Variants in RBFOX1 observed in about 807,000 individuals in gnomAD.
RBFOX1 encodes the protein RNA binding protein fox-1 homolog 1.
In RBFOX1, 8 loss-of-function variants were observed where a neutral mutation model predicts 57.7. The ratio of observed to expected loss-of-function variants is 0.14; its 90% CI spans 0.08 to 0.25. RBFOX1 has a LOEUF of 0.25. RBFOX1 is among the 10% of genes least tolerant of loss of function. RBFOX1 has a pLI of 1.00. For missense variants in RBFOX1, 611 were observed against 548.5 expected (o/e 1.11, Z -1.14); for synonymous variants, 326 against 222.4 (o/e 1.47, Z -4.15).
intron 2 of RBFOX1, among the ~76,000 whole-genome samples, chr16:6,503,311 G>A (rs955207593): frequency 6.6e-6 from 1 of 152,006 alleles, no homozygotes; most frequent in East Asian, 1.9e-4. Flanking sequence ...TTCTCCAGAC[G>A]AGATGGGATA....
chr16:5,466,477 C>T (rs975051858), intron 1 of RBFOX1, among the ~76,000 whole-genome samples: 1 of 152,034 alleles, frequency 6.6e-6, no homozygotes, highest in Admixed American at 6.5e-5. Flanking sequence ...CTCCTGGGGC[C>T]CTGAAATCAG....
chr16:7,293,760 C>A (rs770701666), intron 4 of RBFOX1, among the ~76,000 whole-genome samples: 7 of 152,276 alleles, frequency 4.6e-5, no homozygotes, highest in Non-Finnish European at 1.0e-4. Context: ...GTAAGTTTTG[C>A]AGATAAACCT....
At position 7,464,773 on chromosome 16, in the gene RBFOX1, T is replaced by C. The variant is rs1444377134; in HGVS notation, c.28-53374T>C. On this transcript the variant is annotated intron_variant, in intron 4 of 15. Coordinates refer to ENST00000550418, the MANE Select transcript of RBFOX1 (RefSeq NM_018723.4). The stretch of plus-strand genomic sequence containing the variant: ...GTGCAGTCGCGTGATCTCGGCTCAC[T>C]TCAAGCTCCGCCTCCCAGGTTCACG... Among the ~76,000 whole-genome samples the C allele has an allele frequency of 2.4e-4, 34 of 139,126 alleles. No homozygotes were observed. In the Admixed American group the frequency reaches 2.7e-3, roughly 11 times the overall value. 91.3% of individuals were successfully genotyped at this position (139,126 alleles called of 152,430 possible).
At chr16:7,068,791 G>A (rs2056715204) in intron 4 of RBFOX1, among the ~76,000 whole-genome samples, 1 of 152,138 alleles carries the variant, frequency 6.6e-6, no homozygotes, top group African/African-American at 2.4e-5. Context: ...GTTTCACCAT[G>A]TTGGCCAGGC....
Position 5,247,356 on chromosome 16 carries a change from C to G in RBFOX1, c.219+7251C>G, listed in dbSNP as rs151171092. 9.8e-3 allele frequency among the ~76,000 whole-genome samples: 1,496 copies of G among 152,256 alleles called. 32 individuals are homozygous for G. The highest frequency in any genetic ancestry group is 0.034 in the African/African-American group (1,425 of 41,528). On this transcript the variant is annotated intron_variant, in intron 1 of 2. Transcript: ENST00000585867. ...ACATTTCCTTGGAGGAGAATCCAGC[C>G]TTGGTGGAGAGCCCTGCCCTGGCTT...
intron 2 of RBFOX1, among the ~76,000 whole-genome samples, chr16:6,410,416 A>C (rs1013936548): frequency 6.8e-6 from 1 of 146,132 alleles, no homozygotes; most frequent in Non-Finnish European, 1.5e-5. Flanking sequence ...GGTTCAGGCC[A>C]TTCTCCTGCC....
At chr16:7,228,795 G>A (rs970718657) in intron 4 of RBFOX1, among the ~76,000 whole-genome samples, 3 of 152,180 alleles carry the variant, frequency 2.0e-5, no homozygotes, top group South Asian at 4.1e-4. Flanking sequence ...TATTTTGGGG[G>A]AAAATGGATT....
chr16:5,467,174 T>TTCTCTG, intron 1 of RBFOX1: 15 of 1,264,274 alleles, frequency 1.2e-5, no homozygotes, highest in Non-Finnish European at 1.6e-5. Context: ...TCAATGTTTC[T>TTCTCTG]TCTCTCTCTC....
chr16:6,790,786 G>T (rs1043165997), intron 3 of RBFOX1, among the ~76,000 whole-genome samples: 1 of 152,100 alleles, frequency 6.6e-6, no homozygotes, highest in African/African-American at 2.4e-5. Flanking sequence ...ATGGGAAATA[G>T]GAAAATAGTT....
intron 1 of RBFOX1, among the ~76,000 whole-genome samples, chr16:5,405,843 A>G (rs1323060657): frequency 6.6e-6 from 1 of 151,962 alleles, no homozygotes; most frequent in Non-Finnish European, 1.5e-5. Flanking sequence ...TTCCTTTTCT[A>G]TTTTTGAGTG....
chr16:6,749,454 AC>A (rs2074469573), intron 3 of RBFOX1, among the ~76,000 whole-genome samples: 1 of 152,114 alleles, frequency 6.6e-6, no homozygotes, highest in Non-Finnish European at 1.5e-5. Flanking sequence ...TATACTCATA[AC>A]CGTCCGGGGA....
chr16:6,133,881 T>A (rs961514228), intron 1 of RBFOX1, among the ~76,000 whole-genome samples: 1 of 152,114 alleles, frequency 6.6e-6, no homozygotes, highest in African/African-American at 2.4e-5. Flanking sequence ...AATTACTGTT[T>A]AGACCCCAGC....
intron 1 of RBFOX1, among the ~76,000 whole-genome samples, chr16:5,248,932 G>A (rs1349153505): frequency 7.0e-6 from 1 of 142,378 alleles, no homozygotes; most frequent in Admixed American, 7.4e-5. Flanking sequence ...AGGTTGCAGT[G>A]AGCTGAGATT....
chr16:7,233,465 C>T (rs1166007643), intron 4 of RBFOX1, among the ~76,000 whole-genome samples: 1 of 152,154 alleles, frequency 6.6e-6, no homozygotes, highest in Non-Finnish European at 1.5e-5. Context: ...CTGTTGAACA[C>T]AATACATGGT....
intron 12 of RBFOX1, among the ~76,000 whole-genome samples, chr16:7,662,767 A>G (rs774335594): frequency 2.0e-5 from 3 of 152,224 alleles, no homozygotes; most frequent in Non-Finnish European, 4.4e-5. Context: ...AGTGTTAAGC[A>G]TGATGCCACC....
intron 4 of RBFOX1, among the ~76,000 whole-genome samples, chr16:7,455,835 C>G (rs1033612491): frequency 2.0e-5 from 3 of 150,698 alleles, no homozygotes; most frequent in African/African-American, 7.3e-5. Flanking sequence ...ATTCACATTT[C>G]AATCAATGAT....
chr16:6,277,101 A>G (rs1343375907), intron 1 of RBFOX1, among the ~76,000 whole-genome samples: 2 of 152,220 alleles, frequency 1.3e-5, no homozygotes, highest in South Asian at 2.1e-4. Flanking sequence ...ACTGTACCAG[A>G]CACAATTGCC....
rs141637689 is a variant in RBFOX1, at chr16:7,510,847, C to G, written c.28-7300C>G. On this transcript the variant is annotated intron_variant, in intron 4 of 15. Transcript: ENST00000550418. ...GTCCCACTGCAGGAGCCGCTGCTTT[C>G]CTGGGCTGTGTGGGCATATGTGATC... Among the ~76,000 whole-genome samples, 15 of 152,276 alleles carry G rather than the reference C, an allele frequency of 9.9e-5. No homozygotes were observed. The East Asian group carries it at 2.9e-3, about 29-fold the overall frequency.
chr16:7,308,047 G>T (rs949021352), intron 4 of RBFOX1, among the ~76,000 whole-genome samples: 37 of 152,278 alleles, frequency 2.4e-4, no homozygotes, highest in African/African-American at 7.7e-4. Context: ...ACATTAGGGG[G>T]TTTGCAGCAA....
Sources: gnomAD v4.1 joint callset for allele counts (sites outside exome capture counted in the v4.1 genomes callset) on GRCh38, gnomAD v4.1.1 for gene constraint, MANE v1.5 for transcripts, NCBI Gene and HGNC (gene_info 2026-07-23, HGNC 2026-07-21) for gene names.